ARSL: variants seen among roughly 807,000 people sequenced by gnomAD.
ARSL encodes arylsulfatase E (chondrodysplasia punctata 1).
Under a neutral mutation model 31.1 loss-of-function variants are expected in ARSL, and 4 were observed. The ratio of observed to expected loss-of-function variants is 0.13; its 90% confidence interval spans 0.06 to 0.29. The LOEUF (loss-of-function observed/expected upper bound fraction) is 0.29. ARSL is among the 10% of genes least tolerant of loss of function. The pLI is 1.00. For synonymous variants in ARSL, 198 were observed against 209.9 expected, an observed-to-expected ratio of 0.94 and a Z score of 0.49; for missense variants, 312 against 497.8, an observed-to-expected ratio of 0.63 and a Z score of 3.55.
chrX:2,967,815 T>C (rs982914313), upstream of ARSL, among the ~76,000 whole-genome samples: 5 of 111,148 alleles, frequency 4.5e-5, no homozygotes, highest in South Asian at 1.9e-3. Context: ...CAAACCCAGT[T>C]TCGCTTTTCA....
Position 2,959,781 on chromosome X carries a change from C to T in ARSL, c.23+597G>A, listed in dbSNP as rs182120987. Reference sequence around the variant, plus strand: ...ATCAAGAGATCCAGAAGCGGTCAGGCGTGGTGGCTCATGCCCATTATCTGA... The same window carrying T: ...ATCAAGAGATCCAGAAGCGGTCAGGTGTGGTGGCTCATGCCCATTATCTGA... On this transcript the variant is annotated intron_variant, in intron 2 of 10. Coordinates refer to ENST00000381134, the MANE Select transcript of ARSL (RefSeq NM_000047.3). The T allele has an allele frequency of 1.2e-4, 125 of 1,062,436 alleles. No homozygotes were observed. In the East Asian group the frequency reaches 2.5e-3, roughly 21 times the overall value. 87.6% of individuals were successfully genotyped at this position (1,062,436 alleles called of 1,213,427 possible).
chrX:2,935,270 A>G, intron 10 of ARSL, 80 bp from the exon 11 acceptor site: 1 of 989,570 alleles, frequency 1.0e-6, no homozygotes, highest in Non-Finnish European at 1.4e-6. Flanking sequence ...CATAGGGCTA[A>G]AAGGTAGGCC....
chrX:2,953,360 ATC>A (rs770178728), intron 4 of ARSL, 95 bp from the exon 5 acceptor site: 504 of 1,011,471 alleles, frequency 5.0e-4, no homozygotes, highest in South Asian at 2.3e-3. Flanking sequence ...CTTGGTAAAA[ATC>A]TCTCTTACTT....
chrX:2,967,996 G>A (rs759896984), upstream of ARSL, among the ~76,000 whole-genome samples: 3 of 112,097 alleles, frequency 2.7e-5, no homozygotes, highest in Admixed American at 9.5e-5. Context: ...TTTCACTGAT[G>A]ATTATTATTA....
chrX:2,936,652 C>T lies in ARSL; in HGVS notation c.1411+90G>A. 5 of 1,125,741 alleles carry T rather than the reference C, an allele frequency of 4.4e-6. 1 individual carries two copies. The South Asian group carries it at 9.5e-5, about 21-fold the overall frequency. 92.8% of individuals were successfully genotyped at this position (1,125,741 alleles called of 1,213,427 possible). On this transcript the variant is annotated intron_variant, in intron 10 of 10. Coordinates refer to ENST00000381134, the MANE Select transcript of ARSL (RefSeq NM_000047.3). Reference sequence around the variant, plus strand: ...CATGGAGATGGACTCTGGAATGCAGCTCCATCCCTAGCCTGTTCTAGGGCA... The same window carrying T: ...CATGGAGATGGACTCTGGAATGCAGTTCCATCCCTAGCCTGTTCTAGGGCA...
intron 7 of ARSL, among the ~76,000 whole-genome samples, chrX:2,944,509 C>CA (rs1555909322): frequency 0.015 from 1,602 of 106,878 alleles, 26 homozygotes; most frequent in African/African-American, 0.051. Context: ...TGAGACCCTG[C>CA]CACACACACA....
chrX:2,966,074 C>T (rs750788387), upstream of ARSL, among the ~76,000 whole-genome samples: 4 of 112,120 alleles, frequency 3.6e-5, no homozygotes, highest in South Asian at 7.4e-4. Flanking sequence ...GCTGTCTCTT[C>T]GCAACTTCAT....
At chrX:2,947,548 T>C (rs2147374729) in intron 6 of ARSL, among the ~76,000 whole-genome samples, 1 of 112,360 alleles carries the variant, frequency 8.9e-6, no homozygotes, top group East Asian at 2.8e-4. Context: ...CCGGCCTTCA[T>C]GGTCTAATCT....
chrX:2,955,808 T>C (rs2089516977), intron 3 of ARSL, among the ~76,000 whole-genome samples: 1 of 112,012 alleles, frequency 8.9e-6, no homozygotes, highest in Non-Finnish European at 1.9e-5. Context: ...GAGGATCGTT[T>C]AGGGCCAGGA....
intron 7 of ARSL, among the ~76,000 whole-genome samples, chrX:2,944,476 A>C (rs1419177660): frequency 4.0e-4 from 14 of 35,331 alleles, no homozygotes; most frequent in East Asian, 2.4e-3. Context: ...AAAAAAACAA[A>C]AAAAAAAAAA....
intron 5 of ARSL, among the ~76,000 whole-genome samples, 186 bp from the exon 6 acceptor site, chrX:2,949,913 G>A (rs2089439416): frequency 1.8e-5 from 2 of 112,214 alleles, no homozygotes; most frequent in Non-Finnish European, 3.8e-5. Flanking sequence ...GGGGAATGAG[G>A]ACCCCATGTG....
chrX:2,941,247 CTTTTTTT>C (rs200569564), intron 8 of ARSL, among the ~76,000 whole-genome samples: 6 of 80,633 alleles, frequency 7.4e-5, no homozygotes, highest in African/African-American at 2.2e-4. Flanking sequence ...TGTCCACAAT[CTTTTTTT>C]TTTTTTTTTT....
chrX:2,936,609 A>G, intron 10 of ARSL, 133 bp downstream of exon 10: 1 of 914,278 alleles, frequency 1.1e-6, no homozygotes, highest in Non-Finnish European at 1.5e-6. Flanking sequence ...CTCGTGGAGA[A>G]AAACGGAAGT....
intron 2 of ARSL, among the ~76,000 whole-genome samples, chrX:2,960,079 C>G (rs1316496547): frequency 2.9e-5 from 3 of 102,753 alleles, no homozygotes; most frequent in Non-Finnish European, 6.0e-5. Context: ...ACCATCCTGG[C>G]TAACACGGTG....
At chrX:2,955,672 G>A in intron 3 of ARSL, 135 bp from the exon 4 acceptor site, 1 of 748,535 alleles carries the variant, frequency 1.3e-6, no homozygotes, top group South Asian at 2.4e-5. Context: ...ATGACCCAAA[G>A]GTAATGTCAA....
chrX:2,945,896 G>A (rs2089372009), intron 7 of ARSL, 102 bp downstream of exon 7: 22 of 1,081,499 alleles, frequency 2.0e-5, no homozygotes, highest in Middle Eastern at 2.5e-4. Flanking sequence ...CACTGCAATC[G>A]CTATTCTGCA....
At chrX:2,965,495 T>G (rs1326372389), upstream of ARSL, among the ~76,000 whole-genome samples, 2 of 108,247 alleles carry the variant, frequency 1.8e-5, no homozygotes, top group African/African-American at 3.4e-5. Context: ...AGAGAGACTC[T>G]GTCTCAAAAA....
chrX:2,938,108 C>T lies in ARSL; in HGVS notation c.1276G>A (p.Val426Met). 1 of 1,211,620 alleles carries T rather than the reference C, an allele frequency of 8.3e-7. No homozygotes were observed. The highest frequency in any genetic ancestry group is 1.1e-6 in the Non-Finnish European group (1 of 895,515). The stretch of plus-strand genomic sequence containing the variant: ...GTTGTTCTGTACCTGTCCTGGGGCA[C>T]CTCGCCGCCCGCCAGCCGGACCACG... ...PTVVRLAGGE[V>M]PQDRVIDGQD... The change falls in exon 9 of 11, where the codon GTG (valine) becomes ATG (methionine). Residue 426 changes from valine to methionine, a missense_variant. Coordinates refer to ENST00000381134, the MANE Select transcript of ARSL (RefSeq NM_000047.3).
rs2089183596 is a variant in ARSL at position 2,935,418 on chromosome X, G to A, written c.1412-228C>T. Among the ~76,000 whole-genome samples the A allele has an allele frequency of 2.7e-5, 3 of 112,218 alleles. No homozygotes were observed. In the South Asian group the frequency reaches 1.1e-3, roughly 42 times the overall value. Reference sequence around the variant, plus strand: ...ACGAACTTTCAAAATACTACGCTCAGAGAAAGAAGTTACAAAAGAGCACAC... The same window carrying A: ...ACGAACTTTCAAAATACTACGCTCAAAGAAAGAAGTTACAAAAGAGCACAC... On this transcript the variant is annotated intron_variant, in intron 10 of 10. Transcript: ENST00000381134.
Sources: gnomAD v4.1 joint callset for allele counts (sites outside exome capture counted in the v4.1 genomes callset) on GRCh38, gnomAD v4.1.1 for gene constraint, MANE v1.5 for transcripts, NCBI Gene and HGNC (gene_info 2026-07-23, HGNC 2026-07-21) for gene names.